The following C16orf54 variants were observed in gnomAD, a reference collection of about 807,000 sequenced individuals.
C16orf54 encodes the protein transmembrane protein C16orf54.
A neutral mutation model predicts 3.9 loss-of-function variants in C16orf54; 2 were observed. The observed-to-expected ratio is 0.52, with a 90% confidence interval of 0.21 to 1.63. The LOEUF (loss-of-function observed/expected upper bound fraction) is 1.63, where lower values mean the gene tolerates loss of function less well. Among genes scored for constraint, C16orf54 ranks in the 40% most tolerant of loss-of-function variants. The pLI is 0.21. For missense variants in C16orf54, 272 were observed against 326.3 expected (o/e 0.83, Z 1.28); for synonymous variants, 128 against 135.1 (o/e 0.95, Z 0.37).
rs1363318777 is a variant in C16orf54, at chr16:29,744,272, G to T, written c.*5C>A. On this transcript the variant is annotated 3_prime_UTR_variant, in exon 2 of 2. Transcript: ENST00000329410. This position sits in a 1 kb window ranked among gnomAD's most constrained non-coding sequence, Gnocchi z 7.1. ...CCTCGGGGATCTCTGGGGAACCCTG[G>T]GGATTCAGAACCCCACACTGGTCCG... is the stretch of plus-strand genomic sequence containing the variant. The T allele has an allele frequency of 1.2e-6, 2 of 1,611,950 alleles. No individual in the cohort carries two copies. Among genetic ancestry groups the T allele is most frequent in the African/African-American group, 2.7e-5 (2 of 75,032 alleles).
In C16orf54 at chr16:29,744,327, G is replaced by C. The variant is rs1474872800; in HGVS notation, c.625C>G (p.Gln209Glu). ...TCACGCTTCCAGAAAGCTGAGATCTGCTCCAAGGTGACCCGTGGCTGGAGG... is the reference window on the plus strand; with the variant it reads ...TCACGCTTCCAGAAAGCTGAGATCTCCTCCAAGGTGACCCGTGGCTGGAGG... ...WGLQPRVTLE[Q>E]ISAFWKREGR... Residue 209 changes from glutamine to glutamate, a missense_variant, in exon 2 of 2, where the codon CAG (glutamine) becomes GAG (glutamate). Transcript: ENST00000329410. This position sits in a 1 kb window ranked among gnomAD's most constrained non-coding sequence, Gnocchi z 7.1. 6 of 1,612,926 alleles carry C rather than the reference G, an allele frequency of 3.7e-6. No homozygotes were observed. The highest frequency in any genetic ancestry group is 5.1e-6 in the Non-Finnish European group (6 of 1,180,014).
chr16:29,744,708 T>G lies in C16orf54; in HGVS notation c.244A>C (p.Ile82Leu). The change falls in exon 2 of 2, where the codon ATT becomes CTT. Residue 82 changes from isoleucine to leucine, a missense_variant. Ile to Leu is a conservative substitution (Grantham distance 5). Coordinates refer to ENST00000329410, the MANE Select transcript of C16orf54 (RefSeq NM_175900.4). This position sits in a 1 kb window ranked among gnomAD's most constrained non-coding sequence, Gnocchi z 7.1. ...TCTCGGGCGGTGCCCATGGGCTCAATCCACAGCTCTCCTCCTGGGCGCCAC... is the reference window on the plus strand; with the variant it reads ...TCTCGGGCGGTGCCCATGGGCTCAAGCCACAGCTCTCCTCCTGGGCGCCAC... ...LVWRPGGELW[I>L]EPMGTARERS... The G allele has an allele frequency of 3.4e-6, 5 of 1,464,200 alleles. No individual in the cohort carries two copies. The highest frequency in any genetic ancestry group is 4.5e-6 in the Non-Finnish European group (5 of 1,109,012). 90.7% of individuals were successfully genotyped at this position (1,464,200 alleles called of 1,614,324 possible).
In C16orf54 at chr16:29,744,358, C is replaced by A; in HGVS notation, c.594G>T (p.Glu198Asp). The change falls in exon 2 of 2, where the codon GAG (glutamate) becomes GAT (aspartate). Residue 198 changes from glutamate (E) to aspartate (D), a missense_variant. Coordinates refer to ENST00000329410, the MANE Select transcript of C16orf54 (RefSeq NM_175900.4). The surrounding 1 kb of genome is among the most constrained non-coding windows in gnomAD (Gnocchi z 7.1). The stretch of plus-strand genomic sequence containing the variant: ...AGGTGACCCGTGGCTGGAGGCCCCA[C>A]TCAGGATCCGGGCTCCCTGGCCGCT... ...RRQRPGSPDP[E>D]WGLQPRVTLE... 2 of 1,612,620 alleles carry A rather than the reference C, an allele frequency of 1.2e-6. No individual in the cohort carries two copies. The highest frequency in any genetic ancestry group is 1.7e-6 in the Non-Finnish European group (2 of 1,179,884).
rs760077380 is a variant in C16orf54 at position 29,744,921 on chromosome 16, G to A, written c.31C>T (p.Arg11Cys). The A allele has an allele frequency of 2.2e-5, 32 of 1,466,410 alleles. No homozygotes were observed. Among genetic ancestry groups the A allele is most frequent in the East Asian group, 5.2e-5 (2 of 38,580 alleles). 90.8% of individuals were successfully genotyped at this position (1,466,410 alleles called of 1,614,324 possible). A position where few individuals can be genotyped will look rare whatever the true frequency, so the allele number is the denominator to read the frequency against. The change falls in exon 2 of 2, where the codon CGC (arginine) becomes TGC (cysteine). Residue 11 changes from arginine to cysteine, a missense_variant. Transcript: ENST00000329410. This position sits in a 1 kb window ranked among gnomAD's most constrained non-coding sequence, Gnocchi z 7.1. The part of the protein sequence containing the change: MPLTPEPPSG[R>C]VEGPPAWEAA... ...TCCCATGCGGGGGGCCCCTCCACGC[G>A]CCCAGAGGGCGGCTCTGGAGTCAAC...
chr16:29,744,196 C>A lies in C16orf54; in HGVS notation c.*81G>T. The A allele has an allele frequency of 7.8e-7, 1 of 1,280,050 alleles. No homozygotes were observed. Among genetic ancestry groups the A allele is most frequent in the Non-Finnish European group, 1.1e-6 (1 of 902,524 alleles). The allele number at this position is 1,280,050 out of a possible 1,614,324, so 79.3% of individuals were successfully genotyped here. On this transcript the variant is annotated 3_prime_UTR_variant, in exon 2 of 2. Coordinates refer to ENST00000329410, the MANE Select transcript of C16orf54 (RefSeq NM_175900.4). This position sits in a 1 kb window ranked among gnomAD's most constrained non-coding sequence, Gnocchi z 7.1. The stretch of plus-strand genomic sequence containing the variant: ...AAGGGCATCTTCGCTGGGGCAGTCT[C>A]AATCCTAATGCTGGATCCTGGGGTC...
chr16:29,745,092 A>C (rs1252473092), intron 1 of C16orf54, 141 bp from the exon 2 acceptor site: 2 of 937,000 alleles, frequency 2.1e-6, no homozygotes, highest in African/African-American at 3.5e-5. Flanking sequence ...CAGCACTTTG[A>C]GAGGTCGAGG....
Position 29,744,901 on chromosome 16 carries a change from T to G in C16orf54, c.51A>C (p.Ala17=). The change falls in exon 2 of 2, where the codon GCA becomes GCC. Residue 17 remains alanine, a synonymous_variant. Transcript: ENST00000329410. This position sits in a 1 kb window ranked among gnomAD's most constrained non-coding sequence, Gnocchi z 7.1. ...PPSGRVEGPP[A]WEAAPWPSLP... Reference sequence around the variant, plus strand: ...GTGAGGGCCATGGGGCTGCTTCCCATGCGGGGGGCCCCTCCACGCGCCCAG... The same window carrying G: ...GTGAGGGCCATGGGGCTGCTTCCCAGGCGGGGGGCCCCTCCACGCGCCCAG... 1 of 1,460,526 alleles carries G rather than the reference T, an allele frequency of 6.8e-7. No individual in the cohort carries two copies. The highest frequency in any genetic ancestry group is 2.6e-5 in the East Asian group (1 of 38,296). The allele number at this position is 1,460,526 out of a possible 1,614,324, so 90.5% of individuals were successfully genotyped here.
At position 29,744,267 on chromosome 16, in the gene C16orf54, C is replaced by A; in HGVS notation, c.*10G>T. On this transcript the variant is annotated 3_prime_UTR_variant, in exon 2 of 2. Transcript: ENST00000329410. The surrounding 1 kb of genome is among the most constrained non-coding windows in gnomAD (Gnocchi z 7.1). ...GCCTGCCTCGGGGATCTCTGGGGAA[C>A]CCTGGGGATTCAGAACCCCACACTG... is the stretch of plus-strand genomic sequence containing the variant. 1.2e-6 allele frequency: 2 copies of A among 1,610,630 alleles called. No homozygotes were observed. The highest frequency in any genetic ancestry group is 1.7e-6 in the Non-Finnish European group (2 of 1,178,226).
rs1968104379 is a variant in C16orf54, at chr16:29,744,201, C to T, written c.*76G>A. 1 of 1,322,036 alleles carries T rather than the reference C, an allele frequency of 7.6e-7. No individual in the cohort carries two copies. The highest frequency in any genetic ancestry group is 2.4e-5 in the East Asian group (1 of 41,296). 81.9% of individuals were successfully genotyped at this position (1,322,036 alleles called of 1,614,324 possible). A position where few individuals can be genotyped will look rare whatever the true frequency, so the allele number is the denominator to read the frequency against. On this transcript the variant is annotated 3_prime_UTR_variant, in exon 2 of 2. Transcript: ENST00000329410. This position sits in a 1 kb window ranked among gnomAD's most constrained non-coding sequence, Gnocchi z 7.1. ...CATCTTCGCTGGGGCAGTCTCAATC[C>T]TAATGCTGGATCCTGGGGTCCCCGG...
At position 29,744,779 on chromosome 16, in the gene C16orf54, C is replaced by T. The variant is rs200964810; in HGVS notation, c.173G>A (p.Arg58His). The T allele has an allele frequency of 5.8e-5, 84 of 1,460,534 alleles. No homozygotes were observed. The South Asian group carries it at 9.0e-4, about 16-fold the overall frequency. The allele number at this position is 1,460,534 out of a possible 1,614,324, so 90.5% of individuals were successfully genotyped here. A position where few individuals can be genotyped will look rare whatever the true frequency, so the allele number is the denominator to read the frequency against. ...GCTGGGGTCTGGGCGGAGAGCACGG[C>T]GGAACAGGCGTTCAGCCAACACAGC... is the stretch of plus-strand genomic sequence containing the variant. ...TTAVLAERLF[R>H]RALRPDPSHR... The change falls in exon 2 of 2, where the codon CGC (arginine) becomes CAC (histidine). Residue 58 changes from arginine to histidine, a missense_variant. Coordinates refer to ENST00000329410, the MANE Select transcript of C16orf54 (RefSeq NM_175900.4). This position sits in a 1 kb window ranked among gnomAD's most constrained non-coding sequence, Gnocchi z 7.1.
In C16orf54 at chr16:29,744,948, G is replaced by A. The variant is rs746501283; in HGVS notation, c.4C>T (p.Pro2Ser). 4 of 1,447,364 alleles carry A rather than the reference G, an allele frequency of 2.8e-6. No homozygotes were observed. The Admixed American group carries it at 1.1e-4, about 39-fold the overall frequency. The allele number at this position is 1,447,364 out of a possible 1,614,324, so 89.7% of individuals were successfully genotyped here. The change falls in exon 2 of 2, where the codon CCG becomes TCG. Residue 2 changes from proline (P) to serine (S), a missense_variant. Physicochemically the swap from Pro to Ser is moderately conservative, Grantham distance 74 (BLOSUM62 -1). Transcript: ENST00000329410. The surrounding 1 kb of genome is among the most constrained non-coding windows in gnomAD (Gnocchi z 7.1). M[P>S]LTPEPPSGRV... Reference sequence around the variant, plus strand: ...CCAGAGGGCGGCTCTGGAGTCAACGGCATCTGAGAGACACAGGGGTGAGAA... The same window carrying A: ...CCAGAGGGCGGCTCTGGAGTCAACGACATCTGAGAGACACAGGGGTGAGAA...
At position 29,744,735 on chromosome 16, in the gene C16orf54, C is replaced by T; in HGVS notation, c.217G>A (p.Val73Met). 6.8e-7 allele frequency: 1 copy of T among 1,461,894 alleles called. No homozygotes were observed. The highest frequency in any genetic ancestry group is 9.0e-7 in the Non-Finnish European group (1 of 1,108,100). The allele number at this position is 1,461,894 out of a possible 1,614,324, so 90.6% of individuals were successfully genotyped here. A position where few individuals can be genotyped will look rare whatever the true frequency, so the allele number is the denominator to read the frequency against. ...CACAGCTCTCCTCCTGGGCGCCACA[C>T]CAGGGTGGGTGCACGGTGGCTGGGG... ...PDPSHRAPTLVWRPGGELWIE... is the reference protein window; with the variant it reads ...PDPSHRAPTLMWRPGGELWIE... Residue 73 changes from valine to methionine, a missense_variant, in exon 2 of 2, where the codon GTG becomes ATG. Transcript: ENST00000329410. This position sits in a 1 kb window ranked among gnomAD's most constrained non-coding sequence, Gnocchi z 7.1.
In C16orf54 at chr16:29,744,145, G is replaced by A. The variant is rs1337437124; in HGVS notation, c.*132C>T. On this transcript the variant is annotated 3_prime_UTR_variant, in exon 2 of 2. Transcript: ENST00000329410. The surrounding 1 kb of genome is among the most constrained non-coding windows in gnomAD (Gnocchi z 7.1). ...TGGCCACCACCCAGACCCGGGGAGG[G>A]GGACTCCAGGTGGAAGGAGCCTGGG... is the stretch of plus-strand genomic sequence containing the variant. 2.4e-6 allele frequency: 2 copies of A among 842,444 alleles called. No homozygotes were observed. The highest frequency in any genetic ancestry group is 1.7e-5 in the African/African-American group (1 of 57,638). The allele number at this position is 842,444 out of a possible 1,614,324, so 52.2% of individuals were successfully genotyped here.
chr16:29,744,214 C>T lies in C16orf54; in HGVS notation c.*63G>A. The stretch of plus-strand genomic sequence containing the variant: ...GCAGTCTCAATCCTAATGCTGGATC[C>T]TGGGGTCCCCGGTCCCACTGAGGCA... On this transcript the variant is annotated 3_prime_UTR_variant, in exon 2 of 2. Coordinates refer to ENST00000329410, the MANE Select transcript of C16orf54 (RefSeq NM_175900.4). This position sits in a 1 kb window ranked among gnomAD's most constrained non-coding sequence, Gnocchi z 7.1. The T allele has an allele frequency of 7.0e-7, 1 of 1,435,438 alleles. No individual in the cohort carries two copies. Among genetic ancestry groups the T allele is most frequent in the South Asian group, 1.2e-5 (1 of 83,630 alleles). 88.9% of individuals were successfully genotyped at this position (1,435,438 alleles called of 1,614,324 possible). A position where few individuals can be genotyped will look rare whatever the true frequency, so the allele number is the denominator to read the frequency against.
intron 1 of C16orf54, chr16:29,745,317 G>C (rs1419963450): frequency 4.3e-6 from 1 of 230,834 alleles, no homozygotes; most frequent in Admixed American, 5.7e-5. Context: ...GGGCAATAGA[G>C]CAAGACCCTT....
chr16:29,744,091 C>T lies in C16orf54; in HGVS notation c.*186G>A. 4.7e-6 allele frequency: 3 copies of T among 636,368 alleles called. No individual in the cohort carries two copies. The highest frequency in any genetic ancestry group is 8.3e-6 in the Non-Finnish European group (3 of 360,778). 39.4% of individuals were successfully genotyped at this position (636,368 alleles called of 1,614,324 possible). On this transcript the variant is annotated 3_prime_UTR_variant, in exon 2 of 2. Coordinates refer to ENST00000329410, the MANE Select transcript of C16orf54 (RefSeq NM_175900.4). The surrounding 1 kb of genome is among the most constrained non-coding windows in gnomAD (Gnocchi z 7.1). ...CAGCCCAGGTAGCTGAGCAGAGGCACTGCTGGGCTTCCCCTAGTCCACATA... is the reference window on the plus strand; with the variant it reads ...CAGCCCAGGTAGCTGAGCAGAGGCATTGCTGGGCTTCCCCTAGTCCACATA...
At position 29,743,569 on chromosome 16, in the gene C16orf54, T is replaced by C. The variant is rs1194422456; in HGVS notation, c.*708A>G. On this transcript the variant is annotated 3_prime_UTR_variant, in exon 2 of 2. Coordinates refer to ENST00000329410, the MANE Select transcript of C16orf54 (RefSeq NM_175900.4). ...GGCCATGGCCTTCCTCACCATGGAG[T>C]GGTGAGGGTCCGAGGCTGAGACGTG... is the stretch of plus-strand genomic sequence containing the variant. 6.6e-6 allele frequency: 1 copy of C among 151,584 alleles called. No individual in the cohort carries two copies. The highest frequency in any genetic ancestry group is 2.4e-5 in the African/African-American group (1 of 41,198). 9.4% of individuals were successfully genotyped at this position (151,584 alleles called of 1,614,324 possible). A position where few individuals can be genotyped will look rare whatever the true frequency, so the allele number is the denominator to read the frequency against.
At position 29,743,420 on chromosome 16, in the gene C16orf54, G is replaced by T. The variant is rs1968088174; in HGVS notation, c.*857C>A. ...GCATTATAAGTAAGCCTAGCTTGTG[G>T]CAAATCTGTCTCTCTGGACACTCCA... On this transcript the variant is annotated 3_prime_UTR_variant, in exon 2 of 2. Transcript: ENST00000329410. 6.6e-6 allele frequency: 1 copy of T among 152,120 alleles called. No individual in the cohort carries two copies. The highest frequency in any genetic ancestry group is 2.4e-5 in the African/African-American group (1 of 41,416). 9.4% of individuals were successfully genotyped at this position (152,120 alleles called of 1,614,324 possible).
rs1329196305 is a variant in C16orf54, at chr16:29,744,247, C to T, written c.*30G>A. On this transcript the variant is annotated 3_prime_UTR_variant, in exon 2 of 2. Transcript: ENST00000329410. This position sits in a 1 kb window ranked among gnomAD's most constrained non-coding sequence, Gnocchi z 7.1. ...CCCGGTCCCACTGAGGCAAGGCCTG[C>T]CTCGGGGATCTCTGGGGAACCCTGG... 6.3e-7 allele frequency: 1 copy of T among 1,598,820 alleles called. No individual in the cohort carries two copies. The highest frequency in any genetic ancestry group is 1.3e-5 in the African/African-American group (1 of 74,764).
Sources: allele counts gnomAD v4.1 joint callset, GRCh38; gene constraint gnomAD v4.1.1; non-coding constraint Gnocchi (gnomAD v3.1); transcripts MANE v1.5; gene names NCBI Gene and HGNC (gene_info 2026-07-23, HGNC 2026-07-21).